Variants in STON2 observed in about 807,000 individuals in gnomAD.
STON2 encodes the protein stonin 2.
In STON2, 29 loss-of-function variants were observed where a neutral mutation model predicts 65.7. That is an observed-to-expected ratio of 0.44 (90% CI 0.33 to 0.60). The LOEUF (loss-of-function observed/expected upper bound fraction) is 0.60, where lower values mean the gene tolerates loss of function less well. STON2 is among the 20% of genes least tolerant of loss of function. STON2 has a pLI of 0.03. For missense variants in STON2, 1,054 were observed against 1,118.1 expected (o/e 0.94, Z 0.82); for synonymous variants, 404 against 414.2 (o/e 0.98, Z 0.30).
intron 5 of STON2, among the ~76,000 whole-genome samples, chr14:81,297,849 A>C (rs1449448797): frequency 6.6e-6 from 1 of 152,032 alleles, no homozygotes; most frequent in East Asian, 1.9e-4. Flanking sequence ...GACCAGCCTG[A>C]CCAACATGGA....
chr14:81,411,854 A>C (rs1901177678), intron 2 of STON2, among the ~76,000 whole-genome samples: 1 of 151,072 alleles, frequency 6.6e-6, no homozygotes, highest in Admixed American at 6.6e-5. Context: ...ACAAATAAGC[A>C]GAGTTAAGAC....
intron 2 of STON2, among the ~76,000 whole-genome samples, chr14:81,405,542 T>C (rs1181485787): frequency 1.4e-5 from 2 of 141,838 alleles, no homozygotes; most frequent in Non-Finnish European, 3.0e-5. Flanking sequence ...TTTTTTTGCA[T>C]ACCTAATAAT....
chr14:81,286,717 AGTAG>A (rs1365212051), intron 5 of STON2, among the ~76,000 whole-genome samples: 3 of 152,362 alleles, frequency 2.0e-5, no homozygotes, highest in South Asian at 2.1e-4. Context: ...ACAGATACAC[AGTAG>A]GTATTTCATA....
At chr14:81,393,586 T>G (rs911886795) in intron 3 of STON2, among the ~76,000 whole-genome samples, 3 of 152,222 alleles carry the variant, frequency 2.0e-5, no homozygotes, top group Non-Finnish European at 4.4e-5. Flanking sequence ...TCCTCCACCA[T>G]GTGTAATATG....
intron 5 of STON2, among the ~76,000 whole-genome samples, chr14:81,291,788 G>C (rs1895564205): frequency 6.7e-6 from 1 of 150,102 alleles, no homozygotes; most frequent in African/African-American, 2.4e-5. Context: ...TTAAACCTTT[G>C]TAGAAACTTG....
intron 5 of STON2, among the ~76,000 whole-genome samples, chr14:81,300,622 C>T (rs1430805388): frequency 6.6e-6 from 1 of 152,040 alleles, no homozygotes; most frequent in East Asian, 1.9e-4. Flanking sequence ...CAGGCAAGTA[C>T]AAATTAAGCT....
chr14:81,326,574 A>G (rs1897012275), intron 4 of STON2, among the ~76,000 whole-genome samples: 1 of 152,214 alleles, frequency 6.6e-6, no homozygotes. Flanking sequence ...ACATACAAAC[A>G]TATTGTATCA....
chr14:81,396,744 T>G (rs975642006), intron 2 of STON2, among the ~76,000 whole-genome samples: 2 of 99,036 alleles, frequency 2.0e-5, no homozygotes, highest in Non-Finnish European at 3.6e-5. Flanking sequence ...TAAACAGCCT[T>G]CAAAAATTTT....
intron 5 of STON2, among the ~76,000 whole-genome samples, chr14:81,289,805 G>A (rs1418639406): frequency 6.6e-6 from 1 of 152,176 alleles, no homozygotes; most frequent in Non-Finnish European, 1.5e-5. Context: ...ACCTGTGTCT[G>A]AGTACTCATT....
Position 81,295,745 on chromosome 14 carries a change from T to G in STON2, c.743-17006A>C, listed in dbSNP as rs376938221. ...ACATATGAATTCATTTCAAAGCACA[T>G]TGGTTTTACAGATGTTCAAGTCACC... On this transcript the variant is annotated intron_variant, in intron 5 of 7. Transcript: ENST00000614646. Among the ~76,000 whole-genome samples, 6 of 152,348 alleles carry G rather than the reference T, an allele frequency of 3.9e-5. No individual in the cohort carries two copies. The East Asian group carries it at 9.6e-4, about 24-fold the overall frequency.
intron 1 of STON2, among the ~76,000 whole-genome samples, chr14:81,434,761 G>C (rs577785097): frequency 4.1e-4 from 63 of 152,158 alleles, no homozygotes; most frequent in Middle Eastern, 6.8e-3. Context: ...GATATTTTAA[G>C]TTTTAAAAAG....
At chr14:81,379,875 A>T (rs186576597) in intron 3 of STON2, among the ~76,000 whole-genome samples, 1 of 152,272 alleles carries the variant, frequency 6.6e-6, no homozygotes, top group East Asian at 1.9e-4. Flanking sequence ...AATGTAAAAC[A>T]TGAAACTATA....
At chr14:81,275,201 CAAAT>C (rs1224505766) in intron 6 of STON2, among the ~76,000 whole-genome samples, 1 of 152,038 alleles carries the variant, frequency 6.6e-6, no homozygotes, top group Non-Finnish European at 1.5e-5. Context: ...CACTTTGAAA[CAAAT>C]AGATACGTTT....
chr14:81,340,280 G>A (rs958156505), intron 4 of STON2, among the ~76,000 whole-genome samples: 1 of 152,168 alleles, frequency 6.6e-6, no homozygotes, highest in African/African-American at 2.4e-5. Flanking sequence ...CAGAGCAGTG[G>A]GTGCTTAGGG....
chr14:81,309,781 T>C (rs921278732), intron 5 of STON2, among the ~76,000 whole-genome samples: 7 of 152,226 alleles, frequency 4.6e-5, no homozygotes, highest in Non-Finnish European at 8.8e-5. Flanking sequence ...GGCATGTATT[T>C]CCTGTGGAGA....
At chr14:81,286,623 C>T (rs1407214601) in intron 5 of STON2, among the ~76,000 whole-genome samples, 5 of 152,220 alleles carry the variant, frequency 3.3e-5, no homozygotes, top group African/African-American at 9.6e-5. Context: ...TGCTCTACTG[C>T]AATCCTTGCT....
At chr14:81,380,884 C>G (rs1899481871) in intron 3 of STON2, among the ~76,000 whole-genome samples, 1 of 152,030 alleles carries the variant, frequency 6.6e-6, no homozygotes, top group African/African-American at 2.4e-5. Context: ...ATGCTGATTA[C>G]CTGGGTGAAA....
chr14:81,427,877 T>G (rs1902060320), intron 1 of STON2, among the ~76,000 whole-genome samples: 1 of 152,170 alleles, frequency 6.6e-6, no homozygotes, highest in African/African-American at 2.4e-5. Context: ...GCACATTTCC[T>G]TTTGCTTCCA....
intron 4 of STON2, among the ~76,000 whole-genome samples, chr14:81,363,949 A>G (rs1257869374): frequency 1.3e-5 from 2 of 152,170 alleles, no homozygotes; most frequent in Non-Finnish European, 2.9e-5. Context: ...GAAACATGTT[A>G]TATCTTGTAC....
Sources: allele counts gnomAD v4.1 joint callset (sites outside exome capture counted in the v4.1 genomes callset), GRCh38; gene constraint gnomAD v4.1.1; transcripts MANE v1.5; gene names NCBI Gene and HGNC (gene_info 2026-07-23, HGNC 2026-07-21).